The following HEPHL1 variants were observed in gnomAD, a reference collection of about 807,000 sequenced individuals.
The protein encoded by HEPHL1 is hephaestin like 1, also known as ferroxidase HEPHL1.
In HEPHL1, 123 loss-of-function variants were observed where a neutral mutation model predicts 122.0. The observed-to-expected ratio is 1.01, with a 90% confidence interval of 0.87 to 1.17. The LOEUF is 1.17. HEPHL1 is among the 50% of genes most tolerant of loss of function. HEPHL1 has a pLI of 0.00. For synonymous variants in HEPHL1, 527 were observed against 508.9 expected, an observed-to-expected ratio of 1.04 and a Z score of -0.48; for missense variants, 1,452 against 1,430.5, an observed-to-expected ratio of 1.01 and a Z score of -0.24.
At chr11:94,101,399 CTCAGAGG>C in intron 14 of HEPHL1, 64 bp downstream of exon 14, 1 of 1,529,018 alleles carries the variant, frequency 6.5e-7, no homozygotes, top group East Asian at 2.3e-5. Flanking sequence ...CTTTTCTGGT[CTCAGAGG>C]TGTCTTAAAG....
At chr11:94,077,776 C>T (rs542607395) in intron 9 of HEPHL1, among the ~76,000 whole-genome samples, 1 of 152,206 alleles carries the variant, frequency 6.6e-6, no homozygotes, top group Non-Finnish European at 1.5e-5. Flanking sequence ...CTCATGCCCA[C>T]TTATGCTCCA....
chr11:94,037,810 C>T (rs1412300732), intron 1 of HEPHL1, among the ~76,000 whole-genome samples: 27 of 151,924 alleles, frequency 1.8e-4, no homozygotes, highest in African/African-American at 4.6e-4. Flanking sequence ...AAACGCAGAG[C>T]GCCTCTCCTC....
intron 10 of HEPHL1, among the ~76,000 whole-genome samples, chr11:94,083,448 C>T (rs1946189853): frequency 1.3e-5 from 2 of 152,172 alleles, no homozygotes; most frequent in South Asian, 2.1e-4. Flanking sequence ...AGGCATATTA[C>T]CTAAGGTAGC....
chr11:94,103,025 G>A lies in HEPHL1; in HGVS notation c.2682+5G>A, dbSNP rs1472346455. 4.6e-6 allele frequency: 7 copies of A among 1,506,388 alleles called. No individual in the cohort carries two copies. In the African/African-American group the frequency reaches 9.6e-5, roughly 21 times the overall value. 93.3% of individuals were successfully genotyped at this position (1,506,388 alleles called of 1,614,324 possible). ...TCAACAGTAAACTTTGTGAAGGTAAGGTGGAGAAAGCAACCAAAAGGCTTA... is the reference window on the plus strand; with the variant it reads ...TCAACAGTAAACTTTGTGAAGGTAAAGTGGAGAAAGCAACCAAAAGGCTTA... On this transcript the variant is annotated splice_donor_5th_base_variant and intron_variant, in intron 15 of 19. Coordinates refer to ENST00000315765, the MANE Select transcript of HEPHL1 (RefSeq NM_001098672.2).
At chr11:94,055,495 G>T (rs118125316) in intron 2 of HEPHL1, 6,432 of 237,774 alleles carry the variant, frequency 0.027, 151 homozygotes, top group South Asian at 0.049. Flanking sequence ...TGAGCTCAAA[G>T]GTGGCTGCTT....
At chr11:94,107,711 A>G (rs1044215650) in intron 17 of HEPHL1, among the ~76,000 whole-genome samples, 8 of 152,212 alleles carry the variant, frequency 5.3e-5, no homozygotes, top group Non-Finnish European at 8.8e-5. Context: ...TGTTATGTGT[A>G]TCAGTGGTTT....
intron 1 of HEPHL1, among the ~76,000 whole-genome samples, chr11:94,024,154 G>T (rs1165939881): frequency 6.6e-6 from 1 of 152,188 alleles, no homozygotes; most frequent in South Asian, 2.1e-4. Context: ...TTGGGCAAAT[G>T]TCTGATATTT....
rs181157092 is a variant in HEPHL1, at chr11:94,023,123, A to T, written c.170+1585A>T. Among the ~76,000 whole-genome samples the T allele has an allele frequency of 2.0e-5, 3 of 152,304 alleles. No individual in the cohort carries two copies. In the East Asian group the frequency reaches 5.8e-4, roughly 29 times the overall value. On this transcript the variant is annotated intron_variant, in intron 1 of 19. Transcript: ENST00000315765. Reference sequence around the variant, plus strand: ...TTATGAACCAGGAACCAAGGCTCTGAGGTTAAATACTTGCCGGAGTTTATA... The same window carrying T: ...TTATGAACCAGGAACCAAGGCTCTGTGGTTAAATACTTGCCGGAGTTTATA...
At chr11:94,040,138 C>T (rs1318801353) in intron 1 of HEPHL1, among the ~76,000 whole-genome samples, 1 of 80,222 alleles carries the variant, frequency 1.2e-5, no homozygotes, top group Non-Finnish European at 2.4e-5. Flanking sequence ...TGGATACATT[C>T]CTCGACACAT....
At position 94,067,610 on chromosome 11, in the gene HEPHL1, T is replaced by G. The variant is rs1437862199; in HGVS notation, c.923T>G (p.Phe308Cys). Residue 308 changes from phenylalanine to cysteine, a missense_variant, in exon 5 of 20, where the codon TTC becomes TGC. Physicochemically the swap from Phe to Cys is radical, Grantham distance 205. Transcript: ENST00000315765. ...GNEIDIHSIY[F>C]YGNTFISRGH... ...GAAATAGACATCCATTCTATCTATT[T>G]CTATGGTAACACCTTCATCAGCAGA... 1 of 1,613,836 alleles carries G rather than the reference T, an allele frequency of 6.2e-7. No homozygotes were observed. The highest frequency in any genetic ancestry group is 1.1e-5 in the South Asian group (1 of 91,076).
In HEPHL1 at chr11:94,067,684, A is replaced by G. The variant is rs373413432; in HGVS notation, c.997A>G (p.Thr333Ala). 3.8e-5 allele frequency: 61 copies of G among 1,613,744 alleles called. No individual in the cohort carries two copies. In the African/African-American group the frequency reaches 5.7e-4, roughly 15 times the overall value. ...VNLFPATFLT[T>A]EMIAENPGKW... ...CCTGTTCCCAGCCACCTTCCTTACA[A>G]CAGAAATGATAGCCGAGAATCCTGG... The change falls in exon 5 of 20, where the codon ACA (threonine) becomes GCA (alanine). Residue 333 changes from threonine (T) to alanine (A), a missense_variant. By Grantham distance (58) the Thr-to-Ala change is moderately conservative. Coordinates refer to ENST00000315765, the MANE Select transcript of HEPHL1 (RefSeq NM_001098672.2).
chr11:94,034,115 G>A (rs1360636549), intron 1 of HEPHL1, among the ~76,000 whole-genome samples: 1 of 152,194 alleles, frequency 6.6e-6, no homozygotes, highest in Non-Finnish European at 1.5e-5. Context: ...GGCAAAGAGG[G>A]AGGAAATGAG....
intron 1 of HEPHL1, among the ~76,000 whole-genome samples, chr11:94,032,889 G>A (rs538980436): frequency 3.3e-5 from 5 of 152,228 alleles, no homozygotes; most frequent in South Asian, 2.1e-4. Context: ...ACCTTCCAGG[G>A]ACATTCCACT....
chr11:94,053,645 A>G (rs1945910445), intron 2 of HEPHL1, among the ~76,000 whole-genome samples: 1 of 151,592 alleles, frequency 6.6e-6, no homozygotes, highest in Non-Finnish European at 1.5e-5. Flanking sequence ...AAATTTTGAT[A>G]TTTTTGTCTT....
Position 94,070,429 on chromosome 11 carries a change from C to T in HEPHL1, c.1119C>T (p.Pro373=), listed in dbSNP as rs2134432018. ...ACTGCAAAAGTGATATTTTCTACCC[C>T]AAGATGAAGGGTCAACAGAGGCGCT... The part of the protein sequence containing the change: ...VDNCKSDIFY[P]KMKGQQRRYF... The change falls in exon 6 of 20, where the codon CCC becomes CCT. Residue 373 remains proline (P), a synonymous_variant. Transcript: ENST00000315765. The T allele has an allele frequency of 6.2e-7, 1 of 1,605,878 alleles. No individual in the cohort carries two copies. Among genetic ancestry groups the T allele is most frequent in the Non-Finnish European group, 8.5e-7 (1 of 1,175,878 alleles).
At position 94,105,997 on chromosome 11, in the gene HEPHL1, A is replaced by G. The variant is rs531038953; in HGVS notation, c.2912A>G (p.Asn971Ser). 12 of 1,572,998 alleles carry G rather than the reference A, an allele frequency of 7.6e-6. No individual in the cohort carries two copies. The South Asian group carries it at 1.3e-4, about 17-fold the overall frequency. The change falls in exon 17 of 20, where the codon AAT becomes AGT. Residue 971 changes from asparagine (N) to serine (S), a missense_variant. Physicochemically the swap from Asn to Ser is conservative, Grantham distance 46. Coordinates refer to ENST00000315765, the MANE Select transcript of HEPHL1 (RefSeq NM_001098672.2). ...FEESNRMHAI[N>S]GKIFGNLHGL... is the part of the protein sequence containing the mutation. ...TTCTTATCACCTTTTAAAGCCATTA[A>G]TGGAAAGATTTTTGGGAATCTCCAT...
chr11:94,100,034 G>A (rs1015786731), intron 13 of HEPHL1, among the ~76,000 whole-genome samples: 10 of 152,070 alleles, frequency 6.6e-5, no homozygotes, highest in African/African-American at 2.4e-4. Context: ...CCCACTGTCT[G>A]ACAAGCCGCA....
intron 15 of HEPHL1, among the ~76,000 whole-genome samples, chr11:94,103,490 G>A (rs1381444874): frequency 6.6e-6 from 1 of 152,060 alleles, no homozygotes; most frequent in African/African-American, 2.4e-5. Context: ...TATTTTAAAT[G>A]CATTATTATC....
intron 2 of HEPHL1, among the ~76,000 whole-genome samples, chr11:94,059,120 A>G (rs1945963333): frequency 6.6e-6 from 1 of 152,160 alleles, no homozygotes; most frequent in Admixed American, 6.6e-5. Flanking sequence ...ATATATTAGC[A>G]TGTATGTATG....
Sources: allele counts gnomAD v4.1 joint callset (sites outside exome capture counted in the v4.1 genomes callset), GRCh38; gene constraint gnomAD v4.1.1; transcripts MANE v1.5; gene names NCBI Gene and HGNC (gene_info 2026-07-23, HGNC 2026-07-21).